Variants in SGCD observed in about 807,000 individuals in gnomAD.
SGCD encodes the protein sarcoglycan delta.
SGCD carries 18 observed loss-of-function variants against 36.6 expected under a neutral mutation model. That is an observed-to-expected ratio of 0.49 (90% CI 0.34 to 0.73). SGCD has a LOEUF of 0.73. Among genes scored for constraint, SGCD ranks in the 30% least tolerant of loss-of-function variants. The probability of loss-of-function intolerance (pLI) is 0.01; values close to 1 mark genes in which losing one functional copy is unlikely to be tolerated. For synonymous variants in SGCD, 133 were observed against 130.6 expected (o/e 1.02, Z -0.12); for missense variants, 387 against 346.7 (o/e 1.12, Z -0.92).
At chr5:156,579,743 T>C (rs1296186893) in intron 4 of SGCD, among the ~76,000 whole-genome samples, 1 of 152,180 alleles carries the variant, frequency 6.6e-6, no homozygotes, top group African/African-American at 2.4e-5. Flanking sequence ...ACTCCTGCTA[T>C]TTTTTTGTTT....
rs552381800 is a variant in SGCD, at chr5:156,199,322, C to T, written c.-44+75303C>T. ...TGACTTATTTGCTTTGGCTATTGGC[C>T]CCAAATCAGGCATCTGACAATTTTC... On this transcript the variant is annotated intron_variant, in intron 3 of 9. Transcript: ENST00000517913. Among the ~76,000 whole-genome samples, 4 of 152,132 alleles carry T rather than the reference C, an allele frequency of 2.6e-5. No individual in the cohort carries two copies. The South Asian group carries it at 8.3e-4, about 31-fold the overall frequency.
chr5:156,573,315 A>C (rs1219736215), intron 4 of SGCD, among the ~76,000 whole-genome samples: 1 of 152,182 alleles, frequency 6.6e-6, no homozygotes, highest in African/African-American at 2.4e-5. Context: ...TAAATCTGAG[A>C]ATCACGTGGA....
intron 1 of SGCD, among the ~76,000 whole-genome samples, chr5:155,968,569 A>C (rs1172617915): frequency 1.4e-5 from 2 of 144,904 alleles, no homozygotes; most frequent in Non-Finnish European, 3.0e-5. Flanking sequence ...TTAATCTCTT[A>C]TAGTGTGTAA....
At chr5:155,825,736 T>TG in the SGCD span, among the ~76,000 whole-genome samples, 2 of 142,250 alleles carry the variant, frequency 1.4e-5, no homozygotes, top group Non-Finnish European at 3.1e-5. Flanking sequence ...TTGTTTTTTT[T>TG]TTTTTGTTGT....
At chr5:156,691,520 A>G (rs1041253418) in intron 7 of SGCD, among the ~76,000 whole-genome samples, 4 of 152,076 alleles carry the variant, frequency 2.6e-5, no homozygotes, top group African/African-American at 4.8e-5. Context: ...TAATTACTCA[A>G]CCCTGCCATT....
chr5:155,845,346 G>A, the SGCD span: 1 of 152,090 alleles, frequency 6.6e-6, no homozygotes, highest in Non-Finnish European at 1.5e-5. Flanking sequence ...ACAGTAGGAA[G>A]GAGTGAGATA....
the SGCD span, among the ~76,000 whole-genome samples, chr5:155,776,857 A>G: frequency 6.6e-6 from 1 of 152,146 alleles, no homozygotes; most frequent in South Asian, 2.1e-4. Flanking sequence ...ATGTTTTAAA[A>G]AATCACCACA....
intron 1 of SGCD, among the ~76,000 whole-genome samples, chr5:156,114,632 G>A (rs1761866929): frequency 6.6e-6 from 1 of 151,950 alleles, no homozygotes; most frequent in African/African-American, 2.4e-5. Flanking sequence ...GGATTCAGTT[G>A]GCTAGTCCCT....
chr5:156,320,044 TAA>T (rs1375047079), intron 3 of SGCD, among the ~76,000 whole-genome samples: 1 of 152,108 alleles, frequency 6.6e-6, no homozygotes, highest in East Asian at 1.9e-4. Context: ...CTTATAAAGA[TAA>T]ATCATTTGAA....
At chr5:156,111,011 A>T (rs1156343571) in intron 1 of SGCD, among the ~76,000 whole-genome samples, 4 of 152,164 alleles carry the variant, frequency 2.6e-5, no homozygotes, top group Non-Finnish European at 4.4e-5. Flanking sequence ...TGTTTAGCAA[A>T]TTGGATCTAT....
the SGCD span, among the ~76,000 whole-genome samples, chr5:155,746,929 G>T: frequency 6.6e-6 from 1 of 152,070 alleles, no homozygotes; most frequent in Non-Finnish European, 1.5e-5. Context: ...TGTCTTAAGG[G>T]TGTTTTGGGG....
chr5:156,056,427 G>T (rs1760058817), intron 1 of SGCD, among the ~76,000 whole-genome samples: 1 of 144,568 alleles, frequency 6.9e-6, no homozygotes, highest in East Asian at 1.9e-4. Flanking sequence ...CATCAATATT[G>T]TAGGACCTAA....
intron 7 of SGCD, among the ~76,000 whole-genome samples, chr5:156,750,564 G>A (rs1757112407): frequency 1.3e-5 from 2 of 151,308 alleles, no homozygotes; most frequent in Admixed American, 1.3e-4. Context: ...TGTAGTCCCA[G>A]CTACTTGGGA....
chr5:156,093,170 G>C (rs1269186929), intron 1 of SGCD, among the ~76,000 whole-genome samples: 1 of 152,204 alleles, frequency 6.6e-6, no homozygotes, highest in Non-Finnish European at 1.5e-5. Context: ...TTGGGCAGCT[G>C]TCTTTCCAAT....
intron 3 of SGCD, among the ~76,000 whole-genome samples, chr5:156,469,261 A>G (rs576448395): frequency 2.6e-5 from 4 of 152,280 alleles, no homozygotes; most frequent in South Asian, 4.1e-4. Context: ...CATAGCTTCC[A>G]TCCACTTCTC....
chr5:156,151,567 T>C (rs1762836208), intron 3 of SGCD, among the ~76,000 whole-genome samples: 1 of 151,608 alleles, frequency 6.6e-6, no homozygotes, highest in Non-Finnish European at 1.5e-5. Context: ...CTCATTTCTA[T>C]TAATTACTTC....
chr5:156,635,287 C>A (rs1360969050), intron 6 of SGCD, among the ~76,000 whole-genome samples: 1 of 152,066 alleles, frequency 6.6e-6, no homozygotes, highest in Non-Finnish European at 1.5e-5. Context: ...TGAAAAAATG[C>A]ACATGATCAC....
At chr5:156,424,350 A>G (rs759630211) in intron 3 of SGCD, among the ~76,000 whole-genome samples, 6 of 151,996 alleles carry the variant, frequency 3.9e-5, no homozygotes, top group Non-Finnish European at 5.9e-5. Flanking sequence ...TTACCCCTGT[A>G]TTTTCCAGTG....
intron 1 of SGCD, among the ~76,000 whole-genome samples, chr5:155,890,297 C>G (rs2113313610): frequency 6.6e-6 from 1 of 152,158 alleles, no homozygotes; most frequent in Middle Eastern, 3.4e-3. Flanking sequence ...AAAAGAAATT[C>G]ATTAGAAAGA....
Sources: gnomAD v4.1 joint callset for allele counts (sites outside exome capture counted in the v4.1 genomes callset) on GRCh38, gnomAD v4.1.1 for gene constraint, MANE v1.5 for transcripts, NCBI Gene and HGNC (gene_info 2026-07-23, HGNC 2026-07-21) for gene names.